EFCAB6: variants seen among roughly 807,000 people sequenced by gnomAD.
The protein encoded by EFCAB6 is EF-hand calcium binding domain 6, also known as EF-hand calcium-binding domain-containing protein 6.
A neutral mutation model predicts 169.8 loss-of-function variants in EFCAB6; 156 were observed. That is an observed-to-expected ratio of 0.92 (90% confidence interval 0.81 to 1.05). EFCAB6 has a LOEUF of 1.05. Ranked by LOEUF, EFCAB6 falls within the 50% of genes least tolerant of loss-of-function variation. EFCAB6 has a pLI of 0.00. For synonymous variants in EFCAB6, 698 were observed against 676.4 expected (o/e 1.03, Z -0.50); for missense variants, 1,800 against 1,829.1 (o/e 0.98, Z 0.29).
At position 43,587,479 on chromosome 22, in the gene EFCAB6, A is replaced by C. The variant is rs966798574; in HGVS notation, c.3032+2595T>G. Among the ~76,000 whole-genome samples the C allele has an allele frequency of 7.9e-5, 12 of 152,190 alleles. No individual in the cohort carries two copies. The South Asian group carries it at 2.5e-3, about 32-fold the overall frequency. On this transcript the variant is annotated intron_variant, in intron 24 of 31. Coordinates refer to ENST00000262726, the MANE Select transcript of EFCAB6 (RefSeq NM_022785.4). ...ACTGTACTTTCCCTGGAGATTCTAG[A>C]AGATAATCTGTTATTTGCCTCTTTC... is the stretch of plus-strand genomic sequence containing the variant.
intron 6 of EFCAB6, among the ~76,000 whole-genome samples, chr22:43,741,057 AG>A (rs1356859267): frequency 6.6e-6 from 1 of 152,188 alleles, no homozygotes; most frequent in Non-Finnish European, 1.5e-5. Flanking sequence ...GCAGATGGCG[AG>A]GCTTATCAAA....
intron 12 of EFCAB6, among the ~76,000 whole-genome samples, chr22:43,680,615 ACTTTC>A (rs1444378803): frequency 1.3e-5 from 2 of 152,160 alleles, no homozygotes; most frequent in Non-Finnish European, 2.9e-5. Context: ...CATATTCTTT[ACTTTC>A]CTTTAACAAT....
chr22:43,704,279 A>G (rs1014644778), intron 10 of EFCAB6, among the ~76,000 whole-genome samples: 5 of 152,176 alleles, frequency 3.3e-5, no homozygotes, highest in Non-Finnish European at 5.9e-5. Flanking sequence ...ACTGTTTTTC[A>G]GAGATGATTG....
intron 17 of EFCAB6, among the ~76,000 whole-genome samples, chr22:43,661,743 A>G (rs145981806): frequency 6.6e-6 from 1 of 152,338 alleles, no homozygotes; most frequent in African/African-American, 2.4e-5. Context: ...GGTAATTCAC[A>G]TGAATCAGAA....
chr22:43,632,593 C>CCCGG (rs2055059037), intron 18 of EFCAB6, among the ~76,000 whole-genome samples: 1 of 152,250 alleles, frequency 6.6e-6, no homozygotes, highest in South Asian at 2.1e-4. Context: ...AGCCACCACA[C>CCCGG]CCGGCCCACT....
At chr22:43,727,918 T>C (rs1249531782) in intron 8 of EFCAB6, among the ~76,000 whole-genome samples, 2 of 152,128 alleles carry the variant, frequency 1.3e-5, no homozygotes, top group East Asian at 3.8e-4. Flanking sequence ...AATTATACTT[T>C]AAGTTCTAGG....
chr22:43,677,694 T>C (rs2147053829), intron 13 of EFCAB6, among the ~76,000 whole-genome samples: 3 of 151,942 alleles, frequency 2.0e-5, no homozygotes, highest in Middle Eastern at 3.4e-3. Context: ...AATAAATAAA[T>C]AAATAAGACA....
Position 43,772,879 on chromosome 22 carries a change from C to T in EFCAB6, c.351+13G>A. 4 of 1,613,834 alleles carry T rather than the reference C, an allele frequency of 2.5e-6. No individual in the cohort carries two copies. Among genetic ancestry groups the T allele is most frequent in the Non-Finnish European group, 3.4e-6 (4 of 1,179,770 alleles). Reference sequence around the variant, plus strand: ...GGAATTGAGGGATTCTAAGTATGTACAACATACAGCACCTGAGCCAACACG... The same window carrying T: ...GGAATTGAGGGATTCTAAGTATGTATAACATACAGCACCTGAGCCAACACG... On this transcript the variant is annotated intron_variant, in intron 4 of 31. Transcript: ENST00000262726.
chr22:43,585,161 G>C (rs1247327365), intron 24 of EFCAB6, among the ~76,000 whole-genome samples: 4 of 152,138 alleles, frequency 2.6e-5, no homozygotes, highest in African/African-American at 7.2e-5. Flanking sequence ...GAAATTATCA[G>C]ATAGGGAATT....
At chr22:43,754,829 T>C (rs940384238) in intron 6 of EFCAB6, among the ~76,000 whole-genome samples, 3 of 152,200 alleles carry the variant, frequency 2.0e-5, no homozygotes, top group African/African-American at 4.8e-5. Flanking sequence ...AGAAGACATA[T>C]ACCCCTAAGT....
chr22:43,617,938 C>T (rs1421879836), intron 20 of EFCAB6, among the ~76,000 whole-genome samples: 1 of 151,594 alleles, frequency 6.6e-6, no homozygotes, highest in Non-Finnish European at 1.5e-5. Context: ...CCCGTCTCTA[C>T]TAAAAATACA....
intron 10 of EFCAB6, among the ~76,000 whole-genome samples, chr22:43,701,978 C>G (rs1025534126): frequency 1.3e-5 from 2 of 151,890 alleles, no homozygotes; most frequent in Non-Finnish European, 2.9e-5. Flanking sequence ...AAATATTAAA[C>G]AAAGAGGTGA....
intron 11 of EFCAB6, 24 bp downstream of exon 11, chr22:43,687,447 G>GTTTT (rs35384776): frequency 8.8e-4 from 733 of 833,246 alleles, no homozygotes; most frequent in South Asian, 1.8e-3. Flanking sequence ...ACTAAAATTT[G>GTTTT]TTTTTTTTTT....
chr22:43,802,929 T>C (rs986130452), intron 2 of EFCAB6, among the ~76,000 whole-genome samples: 4 of 152,226 alleles, frequency 2.6e-5, no homozygotes, highest in African/African-American at 4.8e-5. Context: ...ATGTCACTAA[T>C]AGAATGTCTT....
chr22:43,623,550 A>G (rs185248612), intron 20 of EFCAB6, among the ~76,000 whole-genome samples: 199 of 152,186 alleles, frequency 1.3e-3, no homozygotes, highest in African/African-American at 4.6e-3. Context: ...TGGAAAGTGA[A>G]GACCCAGAGA....
chr22:43,743,822 C>A (rs1197056774), intron 6 of EFCAB6, among the ~76,000 whole-genome samples: 5 of 152,122 alleles, frequency 3.3e-5, no homozygotes, highest in Non-Finnish European at 7.4e-5. Context: ...AGGCATGAGT[C>A]CAGAGCCAAG....
intron 3 of EFCAB6, among the ~76,000 whole-genome samples, chr22:43,778,864 G>A (rs1275198285): frequency 2.0e-5 from 3 of 152,102 alleles, no homozygotes; most frequent in Middle Eastern, 3.4e-3. Context: ...TGTCTCTGCT[G>A]TTTTTAACAC....
At chr22:43,797,718 T>C (rs2062562843) in intron 2 of EFCAB6, among the ~76,000 whole-genome samples, 1 of 151,914 alleles carries the variant, frequency 6.6e-6, no homozygotes, top group Admixed American at 6.6e-5. Flanking sequence ...CTTCCTTGCT[T>C]AGAACACTCC....
intron 10 of EFCAB6, among the ~76,000 whole-genome samples, chr22:43,700,982 T>G (rs1477783645): frequency 6.6e-6 from 1 of 152,178 alleles, no homozygotes; most frequent in African/African-American, 2.4e-5. Context: ...ACAAAACATA[T>G]GAAATTTAAT....
Sources: allele counts gnomAD v4.1 joint callset (sites outside exome capture counted in the v4.1 genomes callset), GRCh38; gene constraint gnomAD v4.1.1; transcripts MANE v1.5; gene names NCBI Gene and HGNC (gene_info 2026-07-23, HGNC 2026-07-21).